Variants in UBE2E2 observed in about 807,000 individuals in gnomAD.
UBE2E2 encodes the protein ubiquitin conjugating enzyme E2 E2.
A neutral mutation model predicts 24.7 loss-of-function variants in UBE2E2; 6 were observed. The observed-to-expected ratio is 0.24, with a 90% confidence interval of 0.13 to 0.48. The LOEUF (loss-of-function observed/expected upper bound fraction) is 0.48, where lower values mean the gene tolerates loss of function less well. Ranked by LOEUF, UBE2E2 falls within the 20% of genes least tolerant of loss-of-function variation. UBE2E2 has a pLI of 0.99. For missense variants in UBE2E2, 169 were observed against 245.0 expected, an observed-to-expected ratio of 0.69 and a Z score of 2.07; for synonymous variants, 104 against 83.6, an observed-to-expected ratio of 1.24 and a Z score of -1.33.
intron 3 of UBE2E2, among the ~76,000 whole-genome samples, chr3:23,445,752 G>A (rs1379354545): frequency 6.6e-6 from 1 of 152,084 alleles, no homozygotes; most frequent in Non-Finnish European, 1.5e-5. Context: ...ATCATACAAC[G>A]GGTTGTTTCT....
At chr3:23,372,663 GCTTTT>G (rs1218866746) in intron 3 of UBE2E2, among the ~76,000 whole-genome samples, 2 of 152,222 alleles carry the variant, frequency 1.3e-5, no homozygotes, top group South Asian at 2.1e-4. Context: ...ATGTGAAGCT[GCTTTT>G]CTTTTTTTTC....
intron 3 of UBE2E2, among the ~76,000 whole-genome samples, chr3:23,464,476 A>T (rs540142904): frequency 5.2e-4 from 79 of 152,184 alleles, no homozygotes; most frequent in African/African-American, 1.8e-3. Context: ...CTATTCTAAA[A>T]CCTAATAAGA....
chr3:23,323,404 C>A, intron 3 of UBE2E2: 2 of 261,248 alleles, frequency 7.7e-6, no homozygotes, highest in Non-Finnish European at 7.6e-6. Flanking sequence ...TTTAAGAAGA[C>A]CAATTTGGGT....
In UBE2E2 at chr3:23,294,645, ATTATT is replaced by A. The variant is rs746328520; in HGVS notation, c.227+77340_227+77344del. On this transcript the variant is annotated intron_variant, in intron 3 of 5. Transcript: ENST00000396703. ...TTATTAGATATTTTTGTATCTTTAG[ATTATT>A]TTATTTATTATTTTAAATAAATATA... Among the ~76,000 whole-genome samples, 664 of 146,638 alleles carry A rather than the reference ATTATT, an allele frequency of 4.5e-3. 5 individuals carry two copies. Among genetic ancestry groups the A allele is most frequent in the African/African-American group, 0.016 (637 of 40,534 alleles).
intron 5 of UBE2E2, among the ~76,000 whole-genome samples, chr3:23,569,162 A>C (rs1334095364): frequency 3.9e-5 from 6 of 152,232 alleles, no homozygotes; most frequent in Non-Finnish European, 8.8e-5. Flanking sequence ...AAAGGAATGA[A>C]GTATTGATGC....
intron 3 of UBE2E2, among the ~76,000 whole-genome samples, chr3:23,385,742 A>G (rs147236348): frequency 6.5e-4 from 99 of 152,352 alleles, no homozygotes; most frequent in African/African-American, 2.3e-3. Context: ...AGTCGTAGTA[A>G]TTTAGAAAAA....
At chr3:23,319,590 A>T (rs576737708) in intron 3 of UBE2E2, among the ~76,000 whole-genome samples, 4 of 152,142 alleles carry the variant, frequency 2.6e-5, no homozygotes, top group African/African-American at 9.6e-5. Context: ...CAGCAGGCAG[A>T]TCATTTGAGG....
chr3:23,363,604 C>T (rs1696181946), intron 3 of UBE2E2, among the ~76,000 whole-genome samples: 2 of 152,202 alleles, frequency 1.3e-5, no homozygotes, highest in African/African-American at 2.4e-5. Context: ...CTTAATTATT[C>T]TAAATATATA....
chr3:23,460,209 G>A (rs956474415), intron 3 of UBE2E2, among the ~76,000 whole-genome samples: 1 of 152,200 alleles, frequency 6.6e-6, no homozygotes, highest in Non-Finnish European at 1.5e-5. Flanking sequence ...ATTGGAGTTA[G>A]TATGAACACC....
intron 3 of UBE2E2, among the ~76,000 whole-genome samples, chr3:23,363,519 C>CTA (rs1696179702): frequency 6.6e-6 from 1 of 152,140 alleles, no homozygotes; most frequent in Non-Finnish European, 1.5e-5. Context: ...ACAAAATAGA[C>CTA]GTTAAACCAC....
intron 3 of UBE2E2, among the ~76,000 whole-genome samples, chr3:23,217,517 A>G (rs1024789460): frequency 2.0e-5 from 3 of 152,104 alleles, no homozygotes; most frequent in Middle Eastern, 3.2e-3. Context: ...TAGTGGTTGA[A>G]CGGAGTTGCC....
chr3:23,579,426 C>G (rs763857698), intron 5 of UBE2E2, among the ~76,000 whole-genome samples: 1 of 146,274 alleles, frequency 6.8e-6, no homozygotes, highest in Non-Finnish European at 1.5e-5. Context: ...TGTGGTGACT[C>G]ATATCTGTAA....
At chr3:23,547,073 T>C (rs1044647271) in intron 5 of UBE2E2, among the ~76,000 whole-genome samples, 1 of 152,202 alleles carries the variant, frequency 6.6e-6, no homozygotes, top group African/African-American at 2.4e-5. Context: ...GTGAGGTGTA[T>C]AAATAAGAAA....
At chr3:23,313,723 T>G (rs1449790708) in intron 3 of UBE2E2, among the ~76,000 whole-genome samples, 1 of 152,060 alleles carries the variant, frequency 6.6e-6, no homozygotes, top group African/African-American at 2.4e-5. Context: ...CTGTGTCTCT[T>G]GATTGGAGAG....
At chr3:23,354,360 T>C (rs1695869649) in intron 3 of UBE2E2, among the ~76,000 whole-genome samples, 1 of 152,064 alleles carries the variant, frequency 6.6e-6, no homozygotes, top group Admixed American at 6.6e-5. Flanking sequence ...CCAAAAGCAA[T>C]GGCAACAAAA....
chr3:23,355,981 A>T lies in UBE2E2; in HGVS notation c.227+138669A>T, dbSNP rs191797005. Among the ~76,000 whole-genome samples the T allele has an allele frequency of 4.5e-3, 691 of 152,360 alleles. 1 individual carries two copies. Among genetic ancestry groups the T allele is most frequent in the Non-Finnish European group, 6.4e-3 (438 of 68,028 alleles). On this transcript the variant is annotated intron_variant, in intron 3 of 5. Coordinates refer to ENST00000396703, the MANE Select transcript of UBE2E2 (RefSeq NM_152653.4). ...TTTACACAGGAGGCTGCCAGCTATC[A>T]ACTGATTGAATTGATTACTTCATTA... is the stretch of plus-strand genomic sequence containing the variant.
At chr3:23,427,731 C>G (rs370248392) in intron 3 of UBE2E2, among the ~76,000 whole-genome samples, 31 of 152,122 alleles carry the variant, frequency 2.0e-4, no homozygotes, top group African/African-American at 6.5e-4. Flanking sequence ...GAAAGATATA[C>G]TATGCTAACA....
At chr3:23,303,938 C>G (rs949212930) in intron 3 of UBE2E2, among the ~76,000 whole-genome samples, 1 of 152,170 alleles carries the variant, frequency 6.6e-6, no homozygotes, top group Non-Finnish European at 1.5e-5. Context: ...CTTAGTCTTA[C>G]CTGAATTCTC....
intron 3 of UBE2E2, among the ~76,000 whole-genome samples, chr3:23,287,220 C>T (rs1698639451): frequency 6.6e-6 from 1 of 152,148 alleles, no homozygotes; most frequent in African/African-American, 2.4e-5. Context: ...TTATGTATCA[C>T]ACTGATTGAT....
Sources: gnomAD v4.1 joint callset for allele counts (sites outside exome capture counted in the v4.1 genomes callset) on GRCh38, gnomAD v4.1.1 for gene constraint, MANE v1.5 for transcripts, NCBI Gene and HGNC (gene_info 2026-07-23, HGNC 2026-07-21) for gene names.